The following DCAF12 variants were observed in gnomAD, a reference collection of about 807,000 sequenced individuals.
DCAF12 encodes the protein DDB1 and CUL4 associated factor 12.
DCAF12 carries 28 observed loss-of-function variants against 52.8 expected under a neutral mutation model. That is an observed-to-expected ratio of 0.53 (90% CI 0.39 to 0.73). DCAF12 has a LOEUF of 0.73. Ranked by LOEUF, DCAF12 falls within the 30% of genes least tolerant of loss-of-function variation. The probability of loss-of-function intolerance (pLI) is 0.00; values close to 1 mark genes in which losing one functional copy is unlikely to be tolerated. For missense variants in DCAF12, 425 were observed against 552.2 expected (o/e 0.77, Z 2.31); for synonymous variants, 196 against 215.5 (o/e 0.91, Z 0.79).
chr9:34,106,621 G>C, intron 3 of DCAF12, 127 bp from the exon 4 acceptor site: 2 of 708,944 alleles, frequency 2.8e-6, no homozygotes, highest in Non-Finnish European at 4.7e-6. Context: ...TTACAACTCT[G>C]ATCTCTGGTG....
At chr9:34,089,701 C>T in intron 7 of DCAF12, 111 bp from the exon 8 acceptor site, 1 of 1,014,992 alleles carries the variant, frequency 9.9e-7, no homozygotes, top group Non-Finnish European at 1.4e-6. Context: ...TGCTCCCCTC[C>T]ACCCGCCCCA....
At chr9:34,115,015 C>T (rs1829062659) in intron 2 of DCAF12, among the ~76,000 whole-genome samples, 1 of 151,952 alleles carries the variant, frequency 6.6e-6, no homozygotes, top group South Asian at 2.1e-4. Flanking sequence ...GGTAACCTTA[C>T]AATGTTTCTA....
chr9:34,120,669 C>CAAAAAAAAA (rs71506167), intron 2 of DCAF12, among the ~76,000 whole-genome samples: 3 of 117,118 alleles, frequency 2.6e-5, no homozygotes, highest in Non-Finnish European at 5.2e-5. Context: ...GACGCGGTCT[C>CAAAAAAAAA]AAAAAAAAAA....
At chr9:34,116,686 TA>T (rs1452769111) in intron 2 of DCAF12, among the ~76,000 whole-genome samples, 1 of 145,538 alleles carries the variant, frequency 6.9e-6, no homozygotes, top group Non-Finnish European at 1.5e-5. Flanking sequence ...AATAATAAAT[TA>T]ATAAATAAAT....
chr9:34,107,266 C>A, intron 3 of DCAF12, 93 bp downstream of exon 3: 1 of 1,261,296 alleles, frequency 7.9e-7, no homozygotes, highest in South Asian at 1.2e-5. Context: ...GTCCAGTCCC[C>A]ACTCTGGGCT....
chr9:34,100,636 A>G lies in DCAF12; in HGVS notation c.602-2119T>C, dbSNP rs539554673. Reference sequence around the variant, plus strand: ...CAGCCTCCTGAGTAGCTGTGACTACAGGCACACCCTACCACACCTGGCTAA... The same window carrying G: ...CAGCCTCCTGAGTAGCTGTGACTACGGGCACACCCTACCACACCTGGCTAA... On this transcript the variant is annotated intron_variant, in intron 4 of 8. Transcript: ENST00000361264. 2.6e-4 allele frequency among the ~76,000 whole-genome samples: 39 copies of G among 151,296 alleles called. 1 individual carries two copies. The highest frequency in any genetic ancestry group is 1.6e-3 in the East Asian group (8 of 5,142).
intron 2 of DCAF12, among the ~76,000 whole-genome samples, chr9:34,112,187 G>C (rs1829014700): frequency 6.6e-6 from 1 of 151,372 alleles, no homozygotes; most frequent in South Asian, 2.1e-4. Flanking sequence ...TTGGTTCCTA[G>C]TGGCTTTTCA....
intron 1 of DCAF12, chr9:34,125,522 C>A: frequency 2.0e-5 from 12 of 591,278 alleles, no homozygotes; most frequent in South Asian, 1.8e-4. Flanking sequence ...GGAATGAATG[C>A]AGAATAGAAC....
At position 34,107,233 on chromosome 9, in the gene DCAF12, A is replaced by T. The variant is rs755144037; in HGVS notation, c.540+126T>A. ...GGTGTGCTGCTTGCCCCTTTATCAA[A>T]TATACACTGTGCCCTATGGGGAGTC... On this transcript the variant is annotated intron_variant, in intron 3 of 8. Coordinates refer to ENST00000361264, the MANE Select transcript of DCAF12 (RefSeq NM_015397.4). 2.8e-4 allele frequency: 250 copies of T among 900,898 alleles called. 2 individuals are homozygous for T. The highest frequency in any genetic ancestry group is 1.3e-3 in the Middle Eastern group (4 of 2,992). 55.8% of individuals were successfully genotyped at this position (900,898 alleles called of 1,614,324 possible). A position where few individuals can be genotyped will look rare whatever the true frequency, so the allele number is the denominator to read the frequency against.
intron 6 of DCAF12, 41 bp downstream of exon 6, chr9:34,096,675 G>A: frequency 6.5e-7 from 1 of 1,530,092 alleles, no homozygotes; most frequent in Non-Finnish European, 9.0e-7. Flanking sequence ...TAACTGTAAG[G>A]TGAATTATTA....
chr9:34,087,622 G>T lies in DCAF12; in HGVS notation c.*728C>A, dbSNP rs1216374739. Reference sequence around the variant, plus strand: ...GGGGGACACACAGGTGGGAAGACAGGTAGGGCTGGATCACTTTGCAGTCCT... The same window carrying T: ...GGGGGACACACAGGTGGGAAGACAGTTAGGGCTGGATCACTTTGCAGTCCT... On this transcript the variant is annotated 3_prime_UTR_variant, in exon 9 of 9. Coordinates refer to ENST00000361264, the MANE Select transcript of DCAF12 (RefSeq NM_015397.4). 2 of 152,156 alleles carry T rather than the reference G, an allele frequency of 1.3e-5. No homozygotes were observed. Among genetic ancestry groups the T allele is most frequent in the Non-Finnish European group, 2.9e-5 (2 of 68,038 alleles). 9.4% of individuals were successfully genotyped at this position (152,156 alleles called of 1,614,324 possible).
At chr9:34,108,056 A>G (rs1159145620) in intron 2 of DCAF12, among the ~76,000 whole-genome samples, 1 of 152,212 alleles carries the variant, frequency 6.6e-6, no homozygotes. Flanking sequence ...AAGAATTATT[A>G]GTATCTCATG....
chr9:34,092,691 A>C (rs566876371), intron 7 of DCAF12, among the ~76,000 whole-genome samples: 90 of 151,910 alleles, frequency 5.9e-4, no homozygotes, highest in South Asian at 1.9e-3. Context: ...TCTCAAAAAA[A>C]AAAAACAACA....
At chr9:34,115,896 G>A (rs556590515) in intron 2 of DCAF12, among the ~76,000 whole-genome samples, 4 of 152,078 alleles carry the variant, frequency 2.6e-5, no homozygotes, top group African/African-American at 7.2e-5. Context: ...CTTTAACGGC[G>A]ATAAGGTAGT....
chr9:34,110,896 T>C (rs1803755307), intron 2 of DCAF12, among the ~76,000 whole-genome samples: 1 of 152,014 alleles, frequency 6.6e-6, no homozygotes, highest in Non-Finnish European at 1.5e-5. Flanking sequence ...ATAAATATCA[T>C]ACATGAAAAA....
At chr9:34,093,469 TA>T in intron 6 of DCAF12, 21 bp from the exon 7 acceptor site, 5 of 1,612,234 alleles carry the variant, frequency 3.1e-6, no homozygotes, top group Non-Finnish European at 4.2e-6. Context: ...AGGAGAGATA[TA>T]ACCATGGCAT....
At chr9:34,091,355 T>G (rs2131424965) in intron 7 of DCAF12, among the ~76,000 whole-genome samples, 1 of 151,680 alleles carries the variant, frequency 6.6e-6, no homozygotes, top group South Asian at 2.1e-4. Flanking sequence ...AAGAAATAGC[T>G]GGGCACAGTG....
At chr9:34,094,531 C>CT (rs903364873) in intron 6 of DCAF12, among the ~76,000 whole-genome samples, 1,435 of 141,110 alleles carry the variant, frequency 0.01, 12 homozygotes, top group Non-Finnish European at 0.015. Context: ...ATTTCTCCAG[C>CT]TTTTTTTTTT....
rs1299724079 is a variant in DCAF12 at position 34,126,568 on chromosome 9, C to G, written c.-137G>C. The G allele has an allele frequency of 1.1e-6, 1 of 919,330 alleles. No individual in the cohort carries two copies. The allele number at this position is 919,330 out of a possible 1,614,324, so 56.9% of individuals were successfully genotyped here. On this transcript the variant is annotated 5_prime_UTR_variant, in exon 1 of 9. Coordinates refer to ENST00000361264, the MANE Select transcript of DCAF12 (RefSeq NM_015397.4). ...CCCGGAAAATGGCCCGGACCCGGAG[C>G]GGCAGCAGAAAAAAGATAGGCGGAA...
Sources: gnomAD v4.1 joint callset for allele counts (sites outside exome capture counted in the v4.1 genomes callset) on GRCh38, gnomAD v4.1.1 for gene constraint, MANE v1.5 for transcripts, NCBI Gene and HGNC (gene_info 2026-07-23, HGNC 2026-07-21) for gene names.